NPR1: variants seen among roughly 807,000 people sequenced by gnomAD.
NPR1 encodes atrial natriuretic peptide receptor 1.
In NPR1, 57 loss-of-function variants were observed where a neutral mutation model predicts 116.9. That is an observed-to-expected ratio of 0.49 (90% CI 0.39 to 0.61). The LOEUF (loss-of-function observed/expected upper bound fraction) is 0.61, where lower values mean the gene tolerates loss of function less well. NPR1 is among the 20% of genes least tolerant of loss of function. The pLI is 0.00. For missense variants in NPR1, 1,096 were observed against 1,409.8 expected, an observed-to-expected ratio of 0.78 and a Z score of 3.56; for synonymous variants, 555 against 601.6, an observed-to-expected ratio of 0.92 and a Z score of 1.13.
In NPR1 at chr1:153,688,149, G is replaced by C. The variant is rs201787421; in HGVS notation, c.2345G>C (p.Arg782Pro). 2 of 1,613,782 alleles carry C rather than the reference G, an allele frequency of 1.2e-6. No homozygotes were observed. The highest frequency in any genetic ancestry group is 4.5e-5 in the East Asian group (2 of 44,876). ...HLEELGLLMQ[R>P]CWAEDPQERP... ...GAGGAGTTGGGGCTGCTCATGCAGC[G>C]GTGCTGGGCTGAGGACCCACAGGAG... The change falls in exon 15 of 22, where the codon CGG (arginine) becomes CCG (proline). Residue 782 changes from arginine (R) to proline (P), a missense_variant. Physicochemically the swap from Arg to Pro is moderately radical, Grantham distance 103. Coordinates refer to ENST00000368680, the MANE Select transcript of NPR1 (RefSeq NM_000906.4).
Position 153,679,777 on chromosome 1 carries a change from C to G in NPR1, c.669C>G (p.Asp223Glu), listed in dbSNP as rs1371774838. ...ITVDHLEFAE[D>E]DLSHYTRLLR... Reference sequence around the variant, plus strand: ...TGGACCACCTGGAGTTCGCCGAGGACGACCTCAGCCACTACACCAGGCTGC... The same window carrying G: ...TGGACCACCTGGAGTTCGCCGAGGAGGACCTCAGCCACTACACCAGGCTGC... Residue 223 changes from aspartate to glutamate, a missense_variant, in exon 1 of 22, where the codon GAC becomes GAG. Transcript: ENST00000368680. This position sits in a 1 kb window ranked among gnomAD's most constrained non-coding sequence, Gnocchi z 4.2. The G allele has an allele frequency of 6.4e-7, 1 of 1,561,114 alleles. No individual in the cohort carries two copies. Among genetic ancestry groups the G allele is most frequent in the Non-Finnish European group, 8.6e-7 (1 of 1,157,710 alleles).
In NPR1 at chr1:153,683,527, C is replaced by A; in HGVS notation, c.1399+16C>A. 1 of 1,613,700 alleles carries A rather than the reference C, an allele frequency of 6.2e-7. No homozygotes were observed. The highest frequency in any genetic ancestry group is 1.6e-4 in the Middle Eastern group (1 of 6,062). ...TGCAACCAAGGTGACTGCCCCTTGC[C>A]TTCCAGGCCTCCATCCCAGAGATGC... On this transcript the variant is annotated intron_variant, in intron 6 of 21. Transcript: ENST00000368680.
At chr1:153,691,713 A>G (rs1332218608) in intron 20 of NPR1, among the ~76,000 whole-genome samples, 1 of 152,044 alleles carries the variant, frequency 6.6e-6, no homozygotes, top group Non-Finnish European at 1.5e-5. Context: ...CCTGGCCAAC[A>G]TGGTGAACCT....
At chr1:153,692,313 G>T (rs1382976921) in intron 20 of NPR1, among the ~76,000 whole-genome samples, 1 of 152,150 alleles carries the variant, frequency 6.6e-6, no homozygotes, top group Non-Finnish European at 1.5e-5. Context: ...TTCATACTGA[G>T]GCAGTGCAGG....
chr1:153,687,889 A>G, intron 14 of NPR1, 100 bp downstream of exon 14: 1 of 1,318,450 alleles, frequency 7.6e-7, no homozygotes, highest in Non-Finnish European at 1.0e-6. Flanking sequence ...TTCCTTCTGT[A>G]ATGGGGTTCA....
intron 11 of NPR1, 57 bp downstream of exon 11, chr1:153,686,807 A>C: frequency 1.3e-6 from 2 of 1,506,562 alleles, no homozygotes; most frequent in Admixed American, 3.5e-5. Flanking sequence ...TCTGCCCCTG[A>C]CTGGCCATAA....
rs767570896 is a variant in NPR1 at position 153,689,242 on chromosome 1, C to T, written c.2619C>T (p.Asp873=). The T allele has an allele frequency of 5.6e-6, 9 of 1,614,104 alleles. No individual in the cohort carries two copies. In the African/African-American group the frequency reaches 1.1e-4, roughly 19 times the overall value. ...RGETVQAEAF[D]SVTIYFSDIV... is the part of the protein sequence containing the mutation. ...AGACGGTGCAGGCCGAAGCCTTTGA[C>T]AGTGTTACCATCTACTTCAGTGACA... Residue 873 remains aspartate (D), a synonymous_variant, in exon 17 of 22, where the codon GAC becomes GAT. Coordinates refer to ENST00000368680, the MANE Select transcript of NPR1 (RefSeq NM_000906.4). The surrounding 1 kb of genome is among the most constrained non-coding windows in gnomAD (Gnocchi z 5.1).
intron 4 of NPR1, 124 bp downstream of exon 4, chr1:153,681,963 C>T: frequency 1.8e-6 from 2 of 1,142,760 alleles, no homozygotes; most frequent in Non-Finnish European, 2.5e-6. Flanking sequence ...TTTTCCTCCA[C>T]AGCTTTTTTC....
At position 153,689,674 on chromosome 1, in the gene NPR1, A is replaced by T. The variant is rs538520154; in HGVS notation, c.2758-132A>T. ...CAGGGAGACCCGGGAACAGGCAGAG[A>T]ACCCATGTGGGATGGGGGATGAGCA... is the stretch of plus-strand genomic sequence containing the variant. On this transcript the variant is annotated intron_variant, in intron 18 of 21. Coordinates refer to ENST00000368680, the MANE Select transcript of NPR1 (RefSeq NM_000906.4). The surrounding 1 kb of genome is among the most constrained non-coding windows in gnomAD (Gnocchi z 5.1). The T allele has an allele frequency of 1.6e-6, 2 of 1,220,240 alleles. No homozygotes were observed. Among genetic ancestry groups the T allele is most frequent in the African/African-American group, 3.0e-5 (2 of 67,324 alleles). The allele number at this position is 1,220,240 out of a possible 1,614,324, so 75.6% of individuals were successfully genotyped here.
chr1:153,686,053 C>T (rs1268091799), intron 9 of NPR1, 70 bp from the exon 10 acceptor site: 33 of 1,534,460 alleles, frequency 2.2e-5, no homozygotes, highest in Middle Eastern at 3.5e-4. Context: ...GATGGGCTGT[C>T]GGGAGCAGCT....
chr1:153,688,726 A>C, intron 15 of NPR1: 1 of 577,178 alleles, frequency 1.7e-6, no homozygotes, highest in Non-Finnish European at 3.1e-6. Flanking sequence ...AGATGAACAA[A>C]ATGTCCATAT....
chr1:153,693,392 G>C lies in NPR1; in HGVS notation c.3164G>C (p.Arg1055Thr), dbSNP rs369343942. Residue 1055 changes from arginine to threonine, a missense_variant, in exon 22 of 22, where the codon AGG (arginine) becomes ACG (threonine). Physicochemically the swap from Arg to Thr is moderately conservative, Grantham distance 71. Transcript: ENST00000368680. ...CGGACCTACTGGCTCCTTGGGGAGA[G>C]GGGGAGTAGCACCCGAGGCTGACCT... ...KVRTYWLLGE[R>T]GSSTRG 17 of 1,612,278 alleles carry C rather than the reference G, an allele frequency of 1.1e-5. No homozygotes were observed. The East Asian group carries it at 1.6e-4, about 15-fold the overall frequency.
At chr1:153,690,461 C>A in intron 20 of NPR1, 79 bp downstream of exon 20, 1 of 1,058,226 alleles carries the variant, frequency 9.4e-7, no homozygotes, top group Non-Finnish European at 1.4e-6. Flanking sequence ...CCTGTGCCTG[C>A]ACAGCCCGTT....
rs201965113 is a variant in NPR1 at position 153,689,888 on chromosome 1, G to A, written c.2840G>A (p.Arg947His). The A allele has an allele frequency of 1.9e-5, 30 of 1,580,004 alleles. No individual in the cohort carries two copies. Among genetic ancestry groups the A allele is most frequent in the East Asian group, 9.2e-5 (4 of 43,276 alleles). Residue 947 changes from arginine (R) to histidine (H), a missense_variant, in exon 19 of 22, where the codon CGC (arginine) becomes CAC (histidine). Physicochemically the swap from Arg to His is conservative, Grantham distance 29. Coordinates refer to ENST00000368680, the MANE Select transcript of NPR1 (RefSeq NM_000906.4). The surrounding 1 kb of genome is among the most constrained non-coding windows in gnomAD (Gnocchi z 5.1). Reference sequence around the variant, plus strand: ...CGGCTACACGCCTGCGAGGTAGCCCGCATGGCCCTGGCACTGCTGGATGCT... The same window carrying A: ...CGGCTACACGCCTGCGAGGTAGCCCACATGGCCCTGGCACTGCTGGATGCT... ...NGRLHACEVA[R>H]MALALLDAVR... is the part of the protein sequence containing the mutation.
intron 20 of NPR1, among the ~76,000 whole-genome samples, chr1:153,692,777 T>G (rs1367739445): frequency 6.6e-6 from 1 of 152,160 alleles, no homozygotes; most frequent in Non-Finnish European, 1.5e-5. Flanking sequence ...CCTCCCAAAG[T>G]GCTGGGATTA....
At chr1:153,680,274 T>G (rs1669728537) in intron 1 of NPR1, among the ~76,000 whole-genome samples, 1 of 142,110 alleles carries the variant, frequency 7.0e-6, no homozygotes, top group African/African-American at 2.6e-5. Context: ...CCTTCCTCCC[T>G]TCCGCCTCCC....
At position 153,679,117 on chromosome 1, in the gene NPR1, G is replaced by A; in HGVS notation, c.9G>A (p.Gly3=). ...CGGTGCCCGCTGAGGCCATGCCGGG[G>A]CCCCGGCGCCCCGCTGGCTCCCGCC... MP[G]PRRPAGSRLR... is the part of the protein sequence containing the mutation. The change falls in exon 1 of 22, where the codon GGG becomes GGA. Residue 3 remains glycine (G), a synonymous_variant. Coordinates refer to ENST00000368680, the MANE Select transcript of NPR1 (RefSeq NM_000906.4). This position sits in a 1 kb window ranked among gnomAD's most constrained non-coding sequence, Gnocchi z 4.2. 1 of 1,430,046 alleles carries A rather than the reference G, an allele frequency of 7.0e-7. No homozygotes were observed. Among genetic ancestry groups the A allele is most frequent in the Admixed American group, 3.0e-5 (1 of 33,386 alleles). 88.6% of individuals were successfully genotyped at this position (1,430,046 alleles called of 1,614,324 possible). A position where few individuals can be genotyped will look rare whatever the true frequency, so the allele number is the denominator to read the frequency against.
intron 5 of NPR1, 113 bp downstream of exon 5, chr1:153,682,702 C>A: frequency 1.3e-6 from 1 of 778,102 alleles, no homozygotes; most frequent in South Asian, 1.5e-5. Context: ...TTCCACCATG[C>A]CTGGACACTT....
In NPR1 at chr1:153,681,266, G is replaced by T. The variant is rs551042682; in HGVS notation, c.1008G>T (p.Gln336His). Residue 336 changes from glutamine to histidine, a missense_variant, in exon 3 of 22, where the codon CAG becomes CAT. Coordinates refer to ENST00000368680, the MANE Select transcript of NPR1 (RefSeq NM_000906.4). ...AGTTAAAACACCTGGCCTATGAGCA[G>T]TTCAACTTCACCATGGAGGATGGCC... Reference protein sequence around the residue: ...LKQLKHLAYEQFNFTMEDGLV... With the variant: ...LKQLKHLAYEHFNFTMEDGLV... The T allele has an allele frequency of 6.2e-7, 1 of 1,611,844 alleles. No individual in the cohort carries two copies. Among genetic ancestry groups the T allele is most frequent in the Non-Finnish European group, 8.5e-7 (1 of 1,178,240 alleles).
Sources: gnomAD v4.1 joint callset for allele counts (sites outside exome capture counted in the v4.1 genomes callset) on GRCh38, gnomAD v4.1.1 for gene constraint, Gnocchi (gnomAD v3.1) non-coding constraint, MANE v1.5 for transcripts, NCBI Gene and HGNC (gene_info 2026-07-23, HGNC 2026-07-21) for gene names.